The following EGFR variants were observed in gnomAD, a reference collection of about 807,000 sequenced individuals.
EGFR encodes epidermal growth factor receptor, also known as avian erythroblastic leukemia viral (v-erb-b) oncogene homolog.
In EGFR, 58 loss-of-function variants were observed where a neutral mutation model predicts 143.0. The observed-to-expected ratio is 0.41, with a 90% CI of 0.33 to 0.50. EGFR has a LOEUF of 0.50. Among genes scored for constraint, EGFR ranks in the 20% least tolerant of loss-of-function variants. The pLI is 0.39. For synonymous variants in EGFR, 613 were observed against 594.4 expected (o/e 1.03, Z -0.45); for missense variants, 1,307 against 1,579.0 (o/e 0.83, Z 2.92).
At chr7:55,123,889 G>A (rs558146397) in intron 1 of EGFR, among the ~76,000 whole-genome samples, 28 of 152,078 alleles carry the variant, frequency 1.8e-4, no homozygotes, top group African/African-American at 5.5e-4. Context: ...AAATGGATGT[G>A]TGTGTGTGTG....
At chr7:55,118,444 C>A (rs554723967) in intron 1 of EGFR, among the ~76,000 whole-genome samples, 2 of 152,280 alleles carry the variant, frequency 1.3e-5, no homozygotes, top group East Asian at 3.9e-4. Flanking sequence ...AAGGCACCAT[C>A]CCAAAGACCA....
intron 13 of EGFR, 63 bp from the exon 14 acceptor site, chr7:55,163,670 G>T (rs1484982162): frequency 1.4e-6 from 2 of 1,419,336 alleles, no homozygotes; most frequent in African/African-American, 2.8e-5. Context: ...TTGAAGAGGT[G>T]ATTTGTGTTC....
At chr7:55,162,876 T>C (rs763854068) in intron 13 of EGFR, among the ~76,000 whole-genome samples, 1 of 152,202 alleles carries the variant, frequency 6.6e-6, no homozygotes, top group Non-Finnish European at 1.5e-5. Context: ...CTGCAACCTC[T>C]GCCCCCTGAG....
chr7:55,122,784 C>A (rs1316578592), intron 1 of EGFR, among the ~76,000 whole-genome samples: 1 of 152,244 alleles, frequency 6.6e-6, no homozygotes, highest in African/African-American at 2.4e-5. Flanking sequence ...TGAAAATCAG[C>A]AGCTGCCTCA....
At chr7:55,155,190 C>T (rs1468414016) in intron 7 of EGFR, among the ~76,000 whole-genome samples, 3 of 152,190 alleles carry the variant, frequency 2.0e-5, no homozygotes, top group African/African-American at 7.2e-5. Flanking sequence ...GCCTTTAATC[C>T]CAGCACTTTG....
chr7:55,148,872 C>A (rs1347181441), intron 4 of EGFR, among the ~76,000 whole-genome samples: 1 of 151,714 alleles, frequency 6.6e-6, no homozygotes, highest in East Asian at 1.9e-4. Context: ...AAAAAAAAAT[C>A]TCATGAGATG....
chr7:55,174,919 T>A, intron 19 of EGFR, 99 bp downstream of exon 19: 1 of 885,194 alleles, frequency 1.1e-6, no homozygotes, highest in Non-Finnish European at 1.9e-6. Flanking sequence ...CCTGCTCATC[T>A]CCACATCCTA....
chr7:55,151,431 G>A (rs2128932835), intron 5 of EGFR, 69 bp downstream of exon 5: 1 of 1,538,516 alleles, frequency 6.5e-7, no homozygotes, highest in Admixed American at 1.7e-5. Flanking sequence ...TTAGGTGATT[G>A]GATTTGTTTT....
intron 1 of EGFR, among the ~76,000 whole-genome samples, chr7:55,100,894 A>G (rs1056054308): frequency 6.6e-6 from 1 of 152,178 alleles, no homozygotes; most frequent in African/African-American, 2.4e-5. Context: ...CATTTTTTTG[A>G]CAGTTCCAAC....
intron 1 of EGFR, among the ~76,000 whole-genome samples, chr7:55,085,436 C>T (rs1289285389): frequency 1.3e-5 from 2 of 152,204 alleles, no homozygotes; most frequent in Admixed American, 1.3e-4. Context: ...GCAGGGTGGG[C>T]GTCAGACCCC....
intron 20 of EGFR, 117 bp from the exon 21 acceptor site, chr7:55,191,602 C>A (rs1787396587): frequency 2.9e-6 from 4 of 1,388,520 alleles, no homozygotes; most frequent in Non-Finnish European, 4.0e-6. Flanking sequence ...CGTTCGCCAG[C>A]CATAAGTCCT....
rs572630390 is a variant in EGFR at position 55,051,863 on chromosome 7, T to C, written c.88+32498T>C. Among the ~76,000 whole-genome samples, 12 of 152,304 alleles carry C rather than the reference T, an allele frequency of 7.9e-5. No homozygotes were observed. The East Asian group carries it at 2.3e-3, about 29-fold the overall frequency. ...CCTCCTCAGAGCTTTTGCAAAACCTTTTCTTTGCCTGGAAAACTCCCCCCA... is the reference window on the plus strand; with the variant it reads ...CCTCCTCAGAGCTTTTGCAAAACCTCTTCTTTGCCTGGAAAACTCCCCCCA... On this transcript the variant is annotated intron_variant, in intron 1 of 27. Coordinates refer to ENST00000275493, the MANE Select transcript of EGFR (RefSeq NM_005228.5).
chr7:55,130,219 AT>A (rs1793756226), intron 1 of EGFR, among the ~76,000 whole-genome samples: 1 of 152,040 alleles, frequency 6.6e-6, no homozygotes, highest in Non-Finnish European at 1.5e-5. Flanking sequence ...CGACTCACTC[AT>A]TTTTTCAGGC....
chr7:55,045,445 A>G (rs1788133232), intron 1 of EGFR, among the ~76,000 whole-genome samples: 1 of 152,154 alleles, frequency 6.6e-6, no homozygotes, highest in Non-Finnish European at 1.5e-5. Flanking sequence ...TTAGTAAAAG[A>G]CCCCAGTTTT....
At chr7:55,094,250 T>C (rs1218027470) in intron 1 of EGFR, among the ~76,000 whole-genome samples, 1 of 152,192 alleles carries the variant, frequency 6.6e-6, no homozygotes, top group Non-Finnish European at 1.5e-5. Context: ...CAGCTTCTTA[T>C]CCTGGGAGAG....
intron 1 of EGFR, among the ~76,000 whole-genome samples, chr7:55,094,605 C>T (rs184270653): frequency 1.3e-5 from 2 of 152,194 alleles, no homozygotes; most frequent in African/African-American, 2.4e-5. Context: ...GAGGAATTTA[C>T]GACAAGACAG....
intron 1 of EGFR, among the ~76,000 whole-genome samples, chr7:55,043,519 A>G (rs1788017647): frequency 1.3e-5 from 2 of 151,966 alleles, no homozygotes; most frequent in Admixed American, 1.3e-4. Flanking sequence ...GCACCACTAC[A>G]CTCAGCTAAT....
intron 13 of EGFR, 93 bp downstream of exon 13, chr7:55,161,724 C>T (rs1177754942): frequency 6.2e-7 from 1 of 1,601,782 alleles, no homozygotes; most frequent in South Asian, 1.1e-5. Flanking sequence ...TTGATTTTCT[C>T]TTCCTTTTAT....
At position 55,059,730 on chromosome 7, in the gene EGFR, A is replaced by G. The variant is rs111408918; in HGVS notation, c.88+40365A>G. 9.2e-4 allele frequency among the ~76,000 whole-genome samples: 140 copies of G among 152,344 alleles called. 1 individual carries two copies. The highest frequency in any genetic ancestry group is 1.7e-3 in the Non-Finnish European group (116 of 68,038). ...TATGTACACCATATTTTAATAAGAT[A>G]AAATAATAGTCTATAGTAGACTTCT... is the stretch of plus-strand genomic sequence containing the variant. On this transcript the variant is annotated intron_variant, in intron 1 of 27. Coordinates refer to ENST00000275493, the MANE Select transcript of EGFR (RefSeq NM_005228.5).
Sources: allele counts gnomAD v4.1 joint callset (sites outside exome capture counted in the v4.1 genomes callset), GRCh38; gene constraint gnomAD v4.1.1; transcripts MANE v1.5; gene names NCBI Gene and HGNC (gene_info 2026-07-23, HGNC 2026-07-21).